Variants in COG1 observed in about 807,000 individuals in gnomAD.
COG1 encodes the protein component of oligomeric golgi complex 1, also known as conserved oligomeric Golgi complex subunit 1.
Under a neutral mutation model 102.2 loss-of-function variants are expected in COG1, and 61 were observed. The ratio of observed to expected loss-of-function variants is 0.60; its 90% CI spans 0.49 to 0.74. COG1 has a LOEUF of 0.74. Among genes scored for constraint, COG1 ranks in the 30% least tolerant of loss-of-function variants. The probability of loss-of-function intolerance (pLI) is 0.00; values close to 1 mark genes in which losing one functional copy is unlikely to be tolerated. For missense variants in COG1, 1,164 were observed against 1,232.1 expected (o/e 0.94, Z 0.83); for synonymous variants, 454 against 493.6 (o/e 0.92, Z 1.06).
rs1307377425 is a variant in COG1, at chr17:73,201,174, G to A, written c.1347G>A (p.Leu449=). 6.2e-7 allele frequency: 1 copy of A among 1,614,190 alleles called. No homozygotes were observed. The highest frequency in any genetic ancestry group is 2.2e-5 in the East Asian group (1 of 44,882). Residue 449 remains leucine (L), a synonymous_variant, in exon 7 of 14, where the codon TTG becomes TTA. Transcript: ENST00000299886. ...CCAAGGAGCTCTTGGTTTCAGCTTT[G>A]CAGGAACTTGAAAGCAGCACCAGCA... is the stretch of plus-strand genomic sequence containing the variant. ...SSSKELLVSA[L]QELESSTSNS...
rs201454609 is a variant in COG1 at position 73,196,738 on chromosome 17, G to A, written c.547G>A (p.Ala183Thr). The change falls in exon 2 of 14, where the codon GCC becomes ACC. Residue 183 changes from alanine (A) to threonine (T), a missense_variant. Coordinates refer to ENST00000299886, the MANE Select transcript of COG1 (RefSeq NM_018714.3). ...FPILIRQVAA[A>T]SHFRSTILHE... ...TATACTCATCCGGCAGGTGGCAGCC[G>A]CCAGCCACTTCCGGTAAGTGGATCC... is the stretch of plus-strand genomic sequence containing the variant. 8.1e-6 allele frequency: 13 copies of A among 1,606,772 alleles called. No individual in the cohort carries two copies. Among genetic ancestry groups the A allele is most frequent in the East Asian group, 4.5e-5 (2 of 44,366 alleles).
chr17:73,200,158 C>A, intron 5 of COG1, 137 bp downstream of exon 5: 2 of 1,056,006 alleles, frequency 1.9e-6, no homozygotes, highest in Non-Finnish European at 2.8e-6. Context: ...CAGCCTCTCA[C>A]TCTGTGACCC....
rs141071607 is a variant in COG1 at position 73,203,128 on chromosome 17, G to C, written c.2202G>C (p.Lys734Asn). ...AGTCTGGCAGCAGTGTCACATCCAA[G>C]ATCCGACTCCCTGCACAGGTGAGCA... is the stretch of plus-strand genomic sequence containing the variant. The part of the protein sequence containing the change: ...EAESGSSVTS[K>N]IRLPAQPSWY... The change falls in exon 8 of 14, where the codon AAG becomes AAC. Residue 734 changes from lysine (K) to asparagine (N), a missense_variant. Coordinates refer to ENST00000299886, the MANE Select transcript of COG1 (RefSeq NM_018714.3). The C allele has an allele frequency of 1.2e-6, 2 of 1,614,070 alleles. No individual in the cohort carries two copies. Among genetic ancestry groups the C allele is most frequent in the African/African-American group, 1.3e-5 (1 of 74,930 alleles).
chr17:73,204,385 A>G (rs916957646), intron 9 of COG1, among the ~76,000 whole-genome samples: 4 of 151,850 alleles, frequency 2.6e-5, no homozygotes, highest in Non-Finnish European at 5.9e-5. Context: ...GCCACAGCAC[A>G]CCTACCTCAG....
rs2061325021 is a variant in COG1 at position 73,196,400 on chromosome 17, T to C, written c.316-107T>C. The C allele has an allele frequency of 3.2e-6, 5 of 1,545,594 alleles. No homozygotes were observed. In the East Asian group the frequency reaches 1.1e-4, roughly 35 times the overall value. On this transcript the variant is annotated intron_variant, in intron 1 of 13. Coordinates refer to ENST00000299886, the MANE Select transcript of COG1 (RefSeq NM_018714.3). ...CTGAGTTGTACTGAACCCAGCTTAA[T>C]AGAAGTTTTGTATCCTTAAATACCC...
At position 73,200,553 on chromosome 17, in the gene COG1, G is replaced by A. The variant is rs1568296422; in HGVS notation, c.1071-13G>A. ...GCCTCTGATGGAGCCCAAAGAACATGATTCTGTTGCAGGTGTAATGAAGAC... is the reference window on the plus strand; with the variant it reads ...GCCTCTGATGGAGCCCAAAGAACATAATTCTGTTGCAGGTGTAATGAAGAC... On this transcript the variant is annotated splice_polypyrimidine_tract_variant and intron_variant, in intron 5 of 13. Transcript: ENST00000299886. 6.2e-7 allele frequency: 1 copy of A among 1,611,554 alleles called. No homozygotes were observed. Among genetic ancestry groups the A allele is most frequent in the Non-Finnish European group, 8.5e-7 (1 of 1,177,688 alleles).
At chr17:73,203,895 T>A in intron 9 of COG1, 102 bp downstream of exon 9, 1 of 1,334,676 alleles carries the variant, frequency 7.5e-7, no homozygotes, top group Non-Finnish European at 1.1e-6. Flanking sequence ...CTCAAACTGT[T>A]AAGGATCACC....
At position 73,207,263 on chromosome 17, in the gene COG1, G is replaced by A. The variant is rs767644952; in HGVS notation, c.2805+7G>A. On this transcript the variant is annotated splice_region_variant and intron_variant, in intron 13 of 13. Coordinates refer to ENST00000299886, the MANE Select transcript of COG1 (RefSeq NM_018714.3). ...CATCGAAACAAAAGCTCAGGTTGGT[G>A]CCAAGAGCAAGAGGCTCATCCGTGG... The A allele has an allele frequency of 1.2e-6, 2 of 1,613,874 alleles. No individual in the cohort carries two copies. Among genetic ancestry groups the A allele is most frequent in the African/African-American group, 1.3e-5 (1 of 74,942 alleles).
In COG1 at chr17:73,203,665, T is replaced by A; in HGVS notation, c.2254T>A (p.Leu752Ile). Residue 752 changes from leucine (L) to isoleucine (I), a missense_variant, in exon 9 of 14, where the codon TTA becomes ATA. Coordinates refer to ENST00000299886, the MANE Select transcript of COG1 (RefSeq NM_018714.3). ...SWYVQSFLFS[L>I]CQEINRVGGH... Reference sequence around the variant, plus strand: ...GTATGTACAGTCCTTCCTGTTTAGTTTATGCCAGGAAATTAATCGGGTTGG... The same window carrying A: ...GTATGTACAGTCCTTCCTGTTTAGTATATGCCAGGAAATTAATCGGGTTGG... 3 of 1,614,226 alleles carry A rather than the reference T, an allele frequency of 1.9e-6. No individual in the cohort carries two copies. The highest frequency in any genetic ancestry group is 2.5e-6 in the Non-Finnish European group (3 of 1,180,030).
Position 73,203,033 on chromosome 17 carries a change from C to A in COG1, c.2107C>A (p.Leu703Ile), listed in dbSNP as rs879000336. 8 of 1,614,124 alleles carry A rather than the reference C, an allele frequency of 5.0e-6. No homozygotes were observed. Among genetic ancestry groups the A allele is most frequent in the Non-Finnish European group, 6.8e-6 (8 of 1,180,014 alleles). Residue 703 changes from leucine to isoleucine, a missense_variant, in exon 8 of 14, where the codon CTA (leucine) becomes ATA (isoleucine). Coordinates refer to ENST00000299886, the MANE Select transcript of COG1 (RefSeq NM_018714.3). ...LIHGFTQSLL[L>I]DDAGSVLATA... ...TCATGGATTCACCCAGTCATTACTTCTAGATGATGCTGGCTCAGTTCTGGC... is the reference window on the plus strand; with the variant it reads ...TCATGGATTCACCCAGTCATTACTTATAGATGATGCTGGCTCAGTTCTGGC...
chr17:73,205,768 T>C, intron 10 of COG1, 88 bp downstream of exon 10: 3 of 1,503,330 alleles, frequency 2.0e-6, no homozygotes. Context: ...AGTCAGCCTG[T>C]TATACTGCAC....
chr17:73,201,195 C>T lies in COG1; in HGVS notation c.1368C>T (p.Thr456=), dbSNP rs2061345500. 1.2e-6 allele frequency: 2 copies of T among 1,614,172 alleles called. No individual in the cohort carries two copies. The highest frequency in any genetic ancestry group is 8.5e-7 in the Non-Finnish European group (1 of 1,180,028). The change falls in exon 7 of 14, where the codon ACC becomes ACT. Residue 456 remains threonine (T), a synonymous_variant. Coordinates refer to ENST00000299886, the MANE Select transcript of COG1 (RefSeq NM_018714.3). ...CTTTGCAGGAACTTGAAAGCAGCACCAGCAACTCCCCTTCAAATAAGCACA... is the reference window on the plus strand; with the variant it reads ...CTTTGCAGGAACTTGAAAGCAGCACTAGCAACTCCCCTTCAAATAAGCACA... ...VSALQELESS[T]SNSPSNKHIH...
In COG1 at chr17:73,197,405, T is replaced by G. The variant is rs1356012824; in HGVS notation, c.913+9T>G. On this transcript the variant is annotated intron_variant, in intron 4 of 13. Coordinates refer to ENST00000299886, the MANE Select transcript of COG1 (RefSeq NM_018714.3). ...AGGCCAGCATCCTGCCGGTGAGCTC[T>G]TAGCCAAGCTTTTTAAATTCTGGTT... is the stretch of plus-strand genomic sequence containing the variant. The G allele has an allele frequency of 1.9e-6, 3 of 1,613,642 alleles. No homozygotes were observed. The highest frequency in any genetic ancestry group is 1.3e-5 in the African/African-American group (1 of 74,928).
Position 73,203,773 on chromosome 17 carries a change from T to C in COG1, c.2362T>C (p.Ser788Pro), listed in dbSNP as rs546366531. 7.7e-5 allele frequency: 124 copies of C among 1,614,166 alleles called. 2 individuals carry two copies. The South Asian group carries it at 1.2e-3, about 16-fold the overall frequency. Residue 788 changes from serine to proline, a missense_variant, in exon 9 of 14, where the codon TCC (serine) becomes CCC (proline). By Grantham distance (74) the Ser-to-Pro change is moderately conservative. Coordinates refer to ENST00000299886, the MANE Select transcript of COG1 (RefSeq NM_018714.3). ...VQVVAAYEKL[S>P]EEKQIKKEGA... is the part of the protein sequence containing the mutation. Reference sequence around the variant, plus strand: ...AGTAGTAGCTGCCTATGAGAAACTCTCCGAAGAAAAACAGATTAAGGTAGG... The same window carrying C: ...AGTAGTAGCTGCCTATGAGAAACTCCCCGAAGAAAAACAGATTAAGGTAGG...
chr17:73,207,410 G>A (rs2061382867), intron 13 of COG1, 154 bp downstream of exon 13: 1 of 789,306 alleles, frequency 1.3e-6, no homozygotes, highest in Non-Finnish European at 2.2e-6. Context: ...GAAGTACAAG[G>A]TTTTACTAGC....
At chr17:73,194,786 G>A (rs2061319276) in intron 1 of COG1, among the ~76,000 whole-genome samples, 1 of 152,174 alleles carries the variant, frequency 6.6e-6, no homozygotes, top group African/African-American at 2.4e-5. Context: ...TATAGACCTA[G>A]CAATGAACGA....
At chr17:73,207,584 A>T in intron 13 of COG1, 1 of 826,124 alleles carries the variant, frequency 1.2e-6, no homozygotes. Flanking sequence ...GTTTGGAGAA[A>T]ATCTGTTTTG....
In COG1 at chr17:73,200,001, G is replaced by C. The variant is rs1392432441; in HGVS notation, c.1050G>C (p.Thr350=). 8.1e-6 allele frequency: 13 copies of C among 1,613,078 alleles called. No individual in the cohort carries two copies. The Admixed American group carries it at 2.0e-4, about 25-fold the overall frequency. Residue 350 remains threonine, a synonymous_variant, in exon 5 of 14, where the codon ACG becomes ACC. Transcript: ENST00000299886. ...TCAGTCAGGAATACCTGAAAGACAC[G>C]CTGCAGAAATGGATCCACATGTAAG... is the stretch of plus-strand genomic sequence containing the variant. ...HPISQEYLKD[T]LQKWIHMCNE...
Position 73,203,722 on chromosome 17 carries a change from G to C in COG1, c.2311G>C (p.Glu771Gln). Residue 771 changes from glutamate to glutamine, a missense_variant, in exon 9 of 14, where the codon GAG (glutamate) becomes CAG (glutamine). Transcript: ENST00000299886. Reference sequence around the variant, plus strand: ...TGCCTTGCCAAAGGTGACATTACAGGAGATGCTGAAAAGCTGTATGGTTCA... The same window carrying C: ...TGCCTTGCCAAAGGTGACATTACAGCAGATGCTGAAAAGCTGTATGGTTCA... ...GHALPKVTLQ[E>Q]MLKSCMVQVV... 6.2e-7 allele frequency: 1 copy of C among 1,614,214 alleles called. No individual in the cohort carries two copies. The highest frequency in any genetic ancestry group is 2.2e-5 in the East Asian group (1 of 44,890).
Sources: allele counts gnomAD v4.1 joint callset (sites outside exome capture counted in the v4.1 genomes callset), GRCh38; gene constraint gnomAD v4.1.1; transcripts MANE v1.5; gene names NCBI Gene and HGNC (gene_info 2026-07-23, HGNC 2026-07-21).